ITGA8: variants seen among roughly 807,000 people sequenced by gnomAD.
ITGA8 encodes the protein integrin subunit alpha 8, also known as integrin alpha-8.
A neutral mutation model predicts 142.3 loss-of-function variants in ITGA8; 91 were observed. The observed-to-expected ratio is 0.64, with a 90% CI of 0.54 to 0.76. The LOEUF is 0.76. Ranked by LOEUF, ITGA8 falls within the 30% of genes least tolerant of loss-of-function variation. ITGA8 has a pLI of 0.00. For missense variants in ITGA8, 1,406 were observed against 1,327.7 expected (o/e 1.06, Z -0.92); for synonymous variants, 505 against 485.2 (o/e 1.04, Z -0.54).
chr10:15,660,762 G>C (rs1834269863), intron 9 of ITGA8, 117 bp downstream of exon 9: 1 of 807,192 alleles, frequency 1.2e-6, no homozygotes, highest in Non-Finnish European at 2.0e-6. Context: ...GGTGTATTAA[G>C]TGTGTTTTCA....
chr10:15,640,911 C>T (rs1008610407), intron 13 of ITGA8, among the ~76,000 whole-genome samples: 14 of 152,178 alleles, frequency 9.2e-5, no homozygotes, highest in Admixed American at 7.9e-4. Flanking sequence ...GCCCCAAAGG[C>T]CACAAGGGAC....
chr10:15,553,212 G>A (rs1289864060), intron 26 of ITGA8, among the ~76,000 whole-genome samples: 8 of 151,606 alleles, frequency 5.3e-5, no homozygotes, highest in Non-Finnish European at 5.9e-5. Context: ...AGCTGAGATT[G>A]CACCACCGCA....
chr10:15,618,101 A>C (rs1833426819), intron 13 of ITGA8, among the ~76,000 whole-genome samples: 2 of 152,196 alleles, frequency 1.3e-5, no homozygotes, highest in Admixed American at 1.3e-4. Context: ...AGGGAGATAA[A>C]GGTTGAAGAA....
At chr10:15,648,728 T>C (rs543156925) in intron 11 of ITGA8, among the ~76,000 whole-genome samples, 1 of 152,220 alleles carries the variant, frequency 6.6e-6, no homozygotes, top group African/African-American at 2.4e-5. Context: ...CCAACATCAC[T>C]CTAACCTACC....
At chr10:15,576,263 A>G (rs912732506) in intron 23 of ITGA8, among the ~76,000 whole-genome samples, 6 of 152,126 alleles carry the variant, frequency 3.9e-5, no homozygotes, top group African/African-American at 1.4e-4. Flanking sequence ...AGAGAGACAG[A>G]GAGTTAAATG....
chr10:15,664,122 C>A (rs1304610082), intron 8 of ITGA8, among the ~76,000 whole-genome samples: 1 of 152,064 alleles, frequency 6.6e-6, no homozygotes, highest in Non-Finnish European at 1.5e-5. Flanking sequence ...AGGAGGTAGA[C>A]AATACTATTA....
chr10:15,543,090 T>C (rs1229415179), intron 27 of ITGA8, among the ~76,000 whole-genome samples: 1 of 152,194 alleles, frequency 6.6e-6, no homozygotes, highest in East Asian at 1.9e-4. Context: ...GAGCTACCTA[T>C]AGAATCAGTG....
intron 13 of ITGA8, among the ~76,000 whole-genome samples, chr10:15,633,196 C>T (rs1040979471): frequency 6.6e-6 from 1 of 152,156 alleles, no homozygotes; most frequent in Non-Finnish European, 1.5e-5. Context: ...TTACCTCTCT[C>T]CATGTATGCT....
intron 25 of ITGA8, among the ~76,000 whole-genome samples, chr10:15,559,807 A>G (rs1833943708): frequency 8.8e-6 from 1 of 113,380 alleles, no homozygotes; most frequent in African/African-American, 3.4e-5. Context: ...GGTACATCAC[A>G]CACTGGGGCC....
chr10:15,687,314 A>T (rs1834849798), intron 3 of ITGA8, among the ~76,000 whole-genome samples: 1 of 152,130 alleles, frequency 6.6e-6, no homozygotes, highest in African/African-American at 2.4e-5. Context: ...TCCCCAAACT[A>T]AAAAAGACTT....
chr10:15,641,688 C>T (rs1833874652), intron 13 of ITGA8, among the ~76,000 whole-genome samples: 1 of 152,136 alleles, frequency 6.6e-6, no homozygotes, highest in South Asian at 2.1e-4. Flanking sequence ...ATTGACGGGC[C>T]TGCCTTAGTA....
intron 1 of ITGA8, among the ~76,000 whole-genome samples, chr10:15,719,313 C>T (rs1051745581): frequency 6.6e-6 from 1 of 152,198 alleles, no homozygotes; most frequent in Non-Finnish European, 1.5e-5. Context: ...AGGATGCGTG[C>T]GTCTTGGTAC....
chr10:15,654,439 A>C (rs753334933), intron 11 of ITGA8, among the ~76,000 whole-genome samples: 3 of 152,210 alleles, frequency 2.0e-5, no homozygotes, highest in Non-Finnish European at 4.4e-5. Context: ...TCAATGAAAG[A>C]ATAATAGAAA....
intron 13 of ITGA8, among the ~76,000 whole-genome samples, chr10:15,635,719 A>G (rs1052770773): frequency 2.6e-5 from 4 of 152,230 alleles, no homozygotes; most frequent in African/African-American, 9.6e-5. Flanking sequence ...CAATAAAAAC[A>G]TAATGCTTGG....
At chr10:15,641,245 T>A (rs1340172573) in intron 13 of ITGA8, among the ~76,000 whole-genome samples, 1 of 152,126 alleles carries the variant, frequency 6.6e-6, no homozygotes, top group East Asian at 1.9e-4. Context: ...GAATAAATAC[T>A]TACCTAAATA....
At chr10:15,626,344 C>T (rs1405120688) in intron 13 of ITGA8, among the ~76,000 whole-genome samples, 1 of 152,168 alleles carries the variant, frequency 6.6e-6, no homozygotes, top group Admixed American at 6.5e-5. Context: ...CCTTAGCCTC[C>T]TGAGCAGCTG....
intron 22 of ITGA8, 36 bp downstream of exon 22, chr10:15,592,189 A>T (rs894035732): frequency 6.8e-7 from 1 of 1,467,178 alleles, no homozygotes; most frequent in African/African-American, 1.4e-5. Context: ...TTTTCTTTTG[A>T]CTGCTGTCAA....
chr10:15,526,084 T>C (rs1218087927), intron 28 of ITGA8, among the ~76,000 whole-genome samples: 6 of 152,174 alleles, frequency 3.9e-5, no homozygotes, highest in Non-Finnish European at 5.9e-5. Flanking sequence ...ACTAGCCAAA[T>C]AGCTACCATG....
At chr10:15,612,609 T>G (rs1005177516) in intron 15 of ITGA8, among the ~76,000 whole-genome samples, 2 of 152,208 alleles carry the variant, frequency 1.3e-5, no homozygotes, top group African/African-American at 4.8e-5. Context: ...TCCCTCCAGA[T>G]GGCTGACAAA....
Sources: allele counts gnomAD v4.1 joint callset (sites outside exome capture counted in the v4.1 genomes callset), GRCh38; gene constraint gnomAD v4.1.1; transcripts MANE v1.5; gene names NCBI Gene and HGNC (gene_info 2026-07-23, HGNC 2026-07-21).